ANO4: variants seen among roughly 807,000 people sequenced by gnomAD.
The protein encoded by ANO4 is anoctamin 4.
Under a neutral mutation model 141.9 loss-of-function variants are expected in ANO4, and 69 were observed. The observed-to-expected ratio is 0.49, with a 90% CI of 0.40 to 0.59. The LOEUF is 0.59. Among genes scored for constraint, ANO4 ranks in the 20% least tolerant of loss-of-function variants. ANO4 has a pLI of 0.00. For missense variants in ANO4, 894 were observed against 1,162.2 expected, an observed-to-expected ratio of 0.77 and a Z score of 3.36; for synonymous variants, 350 against 394.3, an observed-to-expected ratio of 0.89 and a Z score of 1.33.
At chr12:100,849,913 A>C (rs1160453931) in intron 1 of ANO4, among the ~76,000 whole-genome samples, 1 of 152,084 alleles carries the variant, frequency 6.6e-6, no homozygotes, top group African/African-American at 2.4e-5. Flanking sequence ...CACCAGCCTC[A>C]AATACCTGGG....
At chr12:100,988,519 G>A (rs1458725544) in intron 8 of ANO4, among the ~76,000 whole-genome samples, 1 of 150,454 alleles carries the variant, frequency 6.6e-6, no homozygotes, top group Admixed American at 6.6e-5. Flanking sequence ...TGACTTACCT[G>A]GAGGGAAGAA....
intron 1 of ANO4, among the ~76,000 whole-genome samples, chr12:100,844,500 G>A (rs895773921): frequency 6.6e-6 from 1 of 152,078 alleles, no homozygotes; most frequent in Non-Finnish European, 1.5e-5. Flanking sequence ...GATTGGATGA[G>A]AGTTGGGGAA....
intron 14 of ANO4, 82 bp from the exon 15 acceptor site, chr12:101,079,111 G>A: frequency 8.4e-7 from 1 of 1,192,016 alleles, no homozygotes; most frequent in Non-Finnish European, 1.2e-6. Context: ...TCTTGGCAAT[G>A]GCTTCATTAT....
At chr12:100,859,390 C>T (rs1370821676) in intron 1 of ANO4, 2 of 152,152 alleles carry the variant, frequency 1.3e-5, no homozygotes, top group African/African-American at 4.8e-5. Context: ...CTCCCCATAC[C>T]AGCTGACTCA....
At chr12:101,069,172 A>T in intron 14 of ANO4, 1 of 1,308,182 alleles carries the variant, frequency 7.6e-7, no homozygotes, top group South Asian at 1.2e-5. Context: ...AACTGGAAAT[A>T]AAACATGCGA....
At chr12:100,913,864 C>T (rs993117062) in intron 2 of ANO4, among the ~76,000 whole-genome samples, 1 of 152,124 alleles carries the variant, frequency 6.6e-6, no homozygotes, top group African/African-American at 2.4e-5. Flanking sequence ...ATTGTCATTT[C>T]GCAAGGGCAA....
intron 9 of ANO4, among the ~76,000 whole-genome samples, chr12:101,036,110 A>G (rs1405802720): frequency 6.6e-6 from 1 of 152,208 alleles, no homozygotes; most frequent in Non-Finnish European, 1.5e-5. Flanking sequence ...AAAGGTGCTC[A>G]ATATCACTAA....
At chr12:100,928,402 C>T (rs545372765) in intron 3 of ANO4, among the ~76,000 whole-genome samples, 66 of 152,142 alleles carry the variant, frequency 4.3e-4, no homozygotes, top group African/African-American at 1.5e-3. Flanking sequence ...GTCTTTATTC[C>T]TCAATCATTC....
At chr12:101,103,183 T>TTTATA (rs2050268471) in intron 22 of ANO4, among the ~76,000 whole-genome samples, 1 of 18,582 alleles carries the variant, frequency 5.4e-5, no homozygotes, top group Non-Finnish European at 9.6e-5. Context: ...TTTAGTCATT[T>TTTATA]TATATATATA....
At chr12:100,872,528 C>T (rs190022413) in intron 1 of ANO4, among the ~76,000 whole-genome samples, 130 of 152,290 alleles carry the variant, frequency 8.5e-4, no homozygotes, top group African/African-American at 2.7e-3. Context: ...GATTAACATA[C>T]GTTTTCAGCT....
intron 1 of ANO4, among the ~76,000 whole-genome samples, chr12:100,798,406 C>A (rs2034471074): frequency 6.6e-6 from 1 of 152,200 alleles, no homozygotes; most frequent in African/African-American, 2.4e-5. Context: ...AGAACTACTT[C>A]TAGCACCAGC....
chr12:101,094,238 A>G lies in ANO4; in HGVS notation c.1702-18A>G, dbSNP rs746289780. The G allele has an allele frequency of 6.2e-6, 10 of 1,603,440 alleles. No homozygotes were observed. The highest frequency in any genetic ancestry group is 3.4e-6 in the Non-Finnish European group (4 of 1,171,126). The stretch of plus-strand genomic sequence containing the variant: ...TACGTGCAGTTCATTTATTAAATGC[A>G]TGAAATTTATTTTACAGCTCTATGA... On this transcript the variant is annotated intron_variant, in intron 17 of 27. Coordinates refer to ENST00000392977, the MANE Select transcript of ANO4 (RefSeq NM_001286615.2).
At chr12:100,845,722 A>C (rs993654514) in intron 1 of ANO4, among the ~76,000 whole-genome samples, 1 of 152,146 alleles carries the variant, frequency 6.6e-6, no homozygotes, top group Non-Finnish European at 1.5e-5. Context: ...AGTTATCTAA[A>C]CTAAGGAAAG....
intron 8 of ANO4, among the ~76,000 whole-genome samples, chr12:100,993,754 C>G (rs1592955387): frequency 6.6e-6 from 1 of 152,108 alleles, no homozygotes; most frequent in East Asian, 1.9e-4. Context: ...ATAGCACTTT[C>G]ACACACATTT....
Position 101,086,786 on chromosome 12 carries a change from G to A in ANO4, c.1663G>A (p.Val555Met), listed in dbSNP as rs771350203. The A allele has an allele frequency of 6.2e-7, 1 of 1,613,800 alleles. No homozygotes were observed. Among genetic ancestry groups the A allele is most frequent in the Non-Finnish European group, 8.5e-7 (1 of 1,179,748 alleles). ...TCAGGTTGCAACCACAGGGACTGCTGTGTGCATCAACTTCTGTATCATTAT... is the reference window on the plus strand; with the variant it reads ...TCAGGTTGCAACCACAGGGACTGCTATGTGCATCAACTTCTGTATCATTAT... Reference protein sequence around the residue: ...NSQVATTGTAVCINFCIIMLL... With the variant: ...NSQVATTGTAMCINFCIIMLL... The change falls in exon 17 of 28, where the codon GTG becomes ATG. Residue 555 changes from valine (V) to methionine (M), a missense_variant. Coordinates refer to ENST00000392977, the MANE Select transcript of ANO4 (RefSeq NM_001286615.2).
intron 8 of ANO4, among the ~76,000 whole-genome samples, chr12:101,003,927 A>C (rs2033247134): frequency 6.6e-6 from 1 of 152,084 alleles, no homozygotes; most frequent in Non-Finnish European, 1.5e-5. Flanking sequence ...TGAAACTGGA[A>C]TATTTGAAAA....
At chr12:100,926,829 G>T (rs1194912521) in intron 3 of ANO4, among the ~76,000 whole-genome samples, 3 of 152,006 alleles carry the variant, frequency 2.0e-5, no homozygotes, top group African/African-American at 7.2e-5. Flanking sequence ...CAAGAGAGAT[G>T]CCCTGTAGAG....
chr12:100,749,150 T>TG (rs1451714962), intron 3 of ANO4, among the ~76,000 whole-genome samples: 2 of 152,126 alleles, frequency 1.3e-5, no homozygotes, highest in Non-Finnish European at 2.9e-5. Context: ...CCAGAGGAGC[T>TG]GGGGGTAAAT....
intron 14 of ANO4, among the ~76,000 whole-genome samples, chr12:101,053,653 C>G (rs1435877938): frequency 1.3e-5 from 2 of 152,204 alleles, no homozygotes; most frequent in African/African-American, 4.8e-5. Context: ...ATCTTCTTCT[C>G]AAGACGGTGG....
Sources: gnomAD v4.1 joint callset for allele counts (sites outside exome capture counted in the v4.1 genomes callset) on GRCh38, gnomAD v4.1.1 for gene constraint, MANE v1.5 for transcripts, NCBI Gene and HGNC (gene_info 2026-07-23, HGNC 2026-07-21) for gene names.